The following RPS29 variants were observed in gnomAD, a reference collection of about 807,000 sequenced individuals.
RPS29 encodes the protein ribosomal protein S29.
For missense variants in RPS29, 60 were observed against 75.7 expected (o/e 0.79, Z 0.77); for synonymous variants, 37 against 26.9 (o/e 1.37, Z -1.16).
At chr14:49,589,671 C>A (rs1230814031), upstream of RPS29, among the ~76,000 whole-genome samples, 2 of 152,180 alleles carry the variant, frequency 1.3e-5, no homozygotes, top group Non-Finnish European at 2.9e-5. Context: ...GACCAGCAAT[C>A]CCATTACTGG....
upstream of RPS29, among the ~76,000 whole-genome samples, chr14:49,587,448 GGGT>G (rs1881614132): frequency 6.6e-6 from 1 of 152,206 alleles, no homozygotes; most frequent in South Asian, 2.1e-4. Context: ...ATGTAGCACA[GGGT>G]GCAACAATTC....
rs1881231680 is a variant in RPS29, at chr14:49,577,932, C to T, written c.163-79G>A. ...AAATTCAATAAATTTGTACTGCATG[C>T]CTGCCCTGTGAAACATGTTATGTCA... is the stretch of plus-strand genomic sequence containing the variant. On this transcript the variant is annotated intron_variant, in intron 2 of 2. Coordinates refer to the RPS29 transcript ENST00000396020. 8 of 998,144 alleles carry T rather than the reference C, an allele frequency of 8.0e-6. No homozygotes were observed. The African/African-American group carries it at 8.1e-5, about 10-fold the overall frequency. The allele number at this position is 998,144 out of a possible 1,614,324, so 61.8% of individuals were successfully genotyped here.
At chr14:49,597,536 A>C (rs892451389) in intron 1 of RPS29, 5 of 152,226 alleles carry the variant, frequency 3.3e-5, no homozygotes, top group Admixed American at 2.6e-4. Flanking sequence ...ATAAAGTCTA[A>C]TAGTCTGAAA....
chr14:49,592,866 C>T (rs1044859378), intron 1 of RPS29, among the ~76,000 whole-genome samples: 4 of 151,776 alleles, frequency 2.6e-5, no homozygotes, highest in Non-Finnish European at 5.9e-5. Context: ...CGAGATTGCG[C>T]CACTGCACTC....
At chr14:49,587,434 T>C (rs759622339), upstream of RPS29, among the ~76,000 whole-genome samples, 3 of 152,260 alleles carry the variant, frequency 2.0e-5, no homozygotes, top group Non-Finnish European at 2.9e-5. Context: ...ACTAGATTTA[T>C]AAAATGTAGC....
At chr14:49,597,011 T>G (rs1487979507) in intron 1 of RPS29, among the ~76,000 whole-genome samples, 2 of 150,262 alleles carry the variant, frequency 1.3e-5, no homozygotes, top group Non-Finnish European at 3.0e-5. Context: ...GTCTCCCAGG[T>G]TCAAGCGATT....
upstream of RPS29, among the ~76,000 whole-genome samples, chr14:49,587,997 T>C (rs960372795): frequency 2.6e-5 from 4 of 152,246 alleles, no homozygotes; most frequent in Non-Finnish European, 4.4e-5. Flanking sequence ...TAAAGCCTCA[T>C]TGGGCAAGAT....
At chr14:49,591,554 C>T (rs1465045029) in intron 1 of RPS29, among the ~76,000 whole-genome samples, 2 of 151,952 alleles carry the variant, frequency 1.3e-5, no homozygotes, top group East Asian at 1.9e-4. Flanking sequence ...TCAGGTAATC[C>T]ACCCGCCTCA....
chr14:49,577,834 G>A (rs1285700799), exon 3 of RPS29: 1 of 1,599,750 alleles, frequency 6.3e-7, no homozygotes, highest in Non-Finnish European at 8.5e-7. Context: ...GCAGTGCCAA[G>A]GAAGACAGCT....
At chr14:49,598,401 C>G (rs1488887280) in exon 1 of RPS29, 3 of 689,476 alleles carry the variant, frequency 4.4e-6, no homozygotes, top group African/African-American at 3.5e-5. Flanking sequence ...TCCACCTACC[C>G]GCCATGAAAA....
chr14:49,574,294 T>C (rs1009373230), exon 3 of RPS29: 2 of 152,240 alleles, frequency 1.3e-5, no homozygotes, highest in Non-Finnish European at 2.9e-5. Flanking sequence ...TACATGAAGC[T>C]ACTGGTACTT....
chr14:49,584,193 G>A (rs547322524), intron 2 of RPS29, among the ~76,000 whole-genome samples: 22 of 152,300 alleles, frequency 1.4e-4, no homozygotes, highest in African/African-American at 4.3e-4. Context: ...GGCTTGTTGC[G>A]GAAACCCTGG....
At chr14:49,580,107 G>A (rs545419109), downstream of RPS29, among the ~76,000 whole-genome samples, 76 of 152,230 alleles carry the variant, frequency 5.0e-4, no homozygotes, top group African/African-American at 1.8e-3. Flanking sequence ...CTAAGGCACT[G>A]CACGTCTCTT....
chr14:49,584,478 C>T (rs1881446488), intron 2 of RPS29, among the ~76,000 whole-genome samples: 1 of 152,192 alleles, frequency 6.6e-6, no homozygotes, highest in African/African-American at 2.4e-5. Context: ...TAACAATTTA[C>T]AACAGACAGG....
upstream of RPS29, among the ~76,000 whole-genome samples, chr14:49,589,263 G>A (rs770880482): frequency 2.0e-5 from 3 of 151,686 alleles, no homozygotes; most frequent in Non-Finnish European, 2.9e-5. Context: ...TATTGGGTTT[G>A]GGTTCTTTGT....
upstream of RPS29, among the ~76,000 whole-genome samples, chr14:49,588,876 CTTTT>C (rs577408713): frequency 4.3e-5 from 4 of 92,464 alleles, no homozygotes; most frequent in Admixed American, 1.1e-4. Flanking sequence ...TTTCTGAGTC[CTTTT>C]TTTTTTTTTT....
chr14:49,598,134 T>A (rs1196842661), intron 1 of RPS29: 4 of 432,370 alleles, frequency 9.3e-6, no homozygotes, highest in Non-Finnish European at 1.6e-5. Flanking sequence ...GAAGTATAAC[T>A]CAGACACAAT....
upstream of RPS29, chr14:49,586,770 C>T (rs1881586380): frequency 4.4e-6 from 1 of 229,458 alleles, no homozygotes; most frequent in Non-Finnish European, 9.1e-6. Flanking sequence ...TGAACCGGCC[C>T]AGGTCGGAAA....
intron 1 of RPS29, among the ~76,000 whole-genome samples, chr14:49,594,666 A>C (rs1881782551): frequency 6.6e-6 from 1 of 152,274 alleles, no homozygotes; most frequent in Non-Finnish European, 1.5e-5. Context: ...GTCTGAGATA[A>C]GAACTGTTTC....
Sources: gnomAD v4.1 joint callset for allele counts (sites outside exome capture counted in the v4.1 genomes callset) on GRCh38, gnomAD v4.1.1 for gene constraint, MANE v1.5 for transcripts, NCBI Gene and HGNC (gene_info 2026-07-23, HGNC 2026-07-21) for gene names.